USP30: variants seen among roughly 807,000 people sequenced by gnomAD.
USP30 encodes ubiquitin specific peptidase 30, also known as ubiquitin carboxyl-terminal hydrolase 30.
In USP30, 41 loss-of-function variants were observed where a neutral mutation model predicts 68.2. That is an observed-to-expected ratio of 0.60 (90% CI 0.47 to 0.78). USP30 has a LOEUF of 0.78. USP30 is among the 30% of genes least tolerant of loss of function. The probability of loss-of-function intolerance (pLI) is 0.00; values close to 1 mark genes in which losing one functional copy is unlikely to be tolerated. For missense variants in USP30, 522 were observed against 649.4 expected, an observed-to-expected ratio of 0.80 and a Z score of 2.13; for synonymous variants, 229 against 253.7, an observed-to-expected ratio of 0.90 and a Z score of 0.93.
In USP30 at chr12:109,029,005, C is replaced by T. The variant is rs372071106; in HGVS notation, c.-136+1449C>T. Among the ~76,000 whole-genome samples the T allele has an allele frequency of 3.3e-5, 5 of 152,286 alleles. No homozygotes were observed. In the East Asian group the frequency reaches 9.6e-4, roughly 29 times the overall value. On this transcript the variant is annotated intron_variant, in intron 3 of 15. Coordinates refer to the USP30 transcript ENST00000392784. ...TATTGATGTATAATTAAAATGTTGG[C>T]TTGTTGTGGTCCTTACCCAATTACA...
At chr12:109,081,798 C>T in intron 8 of USP30, 135 bp from the exon 9 acceptor site, 1 of 859,190 alleles carries the variant, frequency 1.2e-6, no homozygotes, top group Non-Finnish European at 1.9e-6. Context: ...GTCCAGGAAA[C>T]ATCCAGTTGT....
chr12:109,025,854 A>AT (rs1445499583), intron 2 of USP30, among the ~76,000 whole-genome samples: 1 of 151,610 alleles, frequency 6.6e-6, no homozygotes. Flanking sequence ...CACCTGGCTA[A>AT]TTTTTGTATT....
chr12:109,079,339 C>CTTTTTTTTTTTCTTTTTTTTTTT (rs2041717759), intron 7 of USP30, among the ~76,000 whole-genome samples: 1 of 62,250 alleles, frequency 1.6e-5, no homozygotes, highest in East Asian at 4.8e-4. Flanking sequence ...TTTTCTTTTT[C>CTTTTTTTTTTTCTTTTTTTTTTT]TTTTTTTTTT....
chr12:109,062,363 C>T (rs2041098521), intron 3 of USP30, among the ~76,000 whole-genome samples: 2 of 120,840 alleles, frequency 1.7e-5, no homozygotes, highest in East Asian at 5.2e-4. Context: ...GAGACGGAGT[C>T]TCGCTCTGTC....
At position 109,052,684 on chromosome 12, in the gene USP30, G is replaced by A; in HGVS notation, c.6G>A (p.Leu2=). 1 of 1,498,314 alleles carries A rather than the reference G, an allele frequency of 6.7e-7. No homozygotes were observed. The highest frequency in any genetic ancestry group is 8.9e-7 in the Non-Finnish European group (1 of 1,129,378). 92.8% of individuals were successfully genotyped at this position (1,498,314 alleles called of 1,614,324 possible). Residue 2 remains leucine (L), a synonymous_variant, in exon 1 of 13, where the codon CTG becomes CTA. Transcript: ENST00000257548. ...AGGCCTCCGGTGCGGCTGCAATGCTGAGCTCCCGGGCCGAGGCGGCGATGA... is the reference window on the plus strand; with the variant it reads ...AGGCCTCCGGTGCGGCTGCAATGCTAAGCTCCCGGGCCGAGGCGGCGATGA... M[L]SSRAEAAMTA...
At chr12:109,081,623 GCACACACACACACA>G (rs61164773) in intron 8 of USP30, 178 of 500,572 alleles carry the variant, frequency 3.6e-4, no homozygotes, top group African/African-American at 5.5e-4. Flanking sequence ...ACGCATGCGC[GCACACACACACACA>G]CACACACACA....
chr12:109,058,487 G>A (rs1346880026), intron 3 of USP30, among the ~76,000 whole-genome samples: 1 of 151,458 alleles, frequency 6.6e-6, no homozygotes, highest in African/African-American at 2.4e-5. Context: ...CAGAAGAATC[G>A]CTTGAACCCG....
At position 109,085,000 on chromosome 12, in the gene USP30, G is replaced by C; in HGVS notation, c.1216G>C (p.Ala406Pro). 1.9e-6 allele frequency: 3 copies of C among 1,605,110 alleles called. No individual in the cohort carries two copies. Among genetic ancestry groups the C allele is most frequent in the Non-Finnish European group, 2.6e-6 (3 of 1,174,798 alleles). ...APKTQIFMNG[A>P]CSPSLLPTLS... ...CAAAACACAGATTTTTATGAATGGC[G>C]CCTGCTCCCCATCTTTATTGCCAAC... is the stretch of plus-strand genomic sequence containing the variant. Residue 406 changes from alanine to proline, a missense_variant, in exon 12 of 13, where the codon GCC (alanine) becomes CCC (proline). By Grantham distance (27) the Ala-to-Pro change is conservative. Coordinates refer to ENST00000257548, the MANE Select transcript of USP30 (RefSeq NM_032663.5).
At chr12:109,049,751 G>A (rs1593229136), upstream of USP30, among the ~76,000 whole-genome samples, 1 of 152,248 alleles carries the variant, frequency 6.6e-6, no homozygotes, top group East Asian at 1.9e-4. Flanking sequence ...AGGAGGTGGA[G>A]GTTGCAGTGA....
chr12:109,053,988 A>G (rs887248909), intron 1 of USP30: 34 of 455,848 alleles, frequency 7.5e-5, no homozygotes, highest in South Asian at 1.7e-4. Context: ...TTCTTCTGCT[A>G]TAAAAATGAA....
intron 8 of USP30, 73 bp from the exon 9 acceptor site, chr12:109,081,860 C>A: frequency 7.0e-7 from 1 of 1,427,268 alleles, no homozygotes; most frequent in Non-Finnish European, 9.9e-7. Flanking sequence ...CTGGTCTTCA[C>A]ACTGCCATCT....
chr12:109,039,902 C>A (rs541190521), intron 3 of USP30, among the ~76,000 whole-genome samples: 1 of 152,182 alleles, frequency 6.6e-6, no homozygotes, highest in African/African-American at 2.4e-5. Context: ...AACCACCACA[C>A]CTGGCCAGCC....
At chr12:109,044,278 G>A (rs1360591613) in intron 3 of USP30, among the ~76,000 whole-genome samples, 1 of 152,182 alleles carries the variant, frequency 6.6e-6, no homozygotes, top group Non-Finnish European at 1.5e-5. Flanking sequence ...GGAGAGTTCT[G>A]GAGATGGATG....
At chr12:109,065,273 A>C (rs1419181532) in intron 3 of USP30, among the ~76,000 whole-genome samples, 2 of 152,206 alleles carry the variant, frequency 1.3e-5, no homozygotes, top group Non-Finnish European at 2.9e-5. Flanking sequence ...CATGCTGGGA[A>C]GGAGGGTGGC....
intron 3 of USP30, among the ~76,000 whole-genome samples, chr12:109,059,029 C>T (rs577088317): frequency 2.6e-5 from 4 of 152,124 alleles, no homozygotes; most frequent in African/African-American, 7.2e-5. Flanking sequence ...TCTGGGAGTC[C>T]GCCTTATGAA....
intron 2 of USP30, 112 bp from the exon 3 acceptor site, chr12:109,057,814 G>C: frequency 2.5e-6 from 3 of 1,193,018 alleles, no homozygotes; most frequent in Non-Finnish European, 3.6e-6. Flanking sequence ...GGATCTTCTT[G>C]GATCGGGATT....
intron 5 of USP30, 135 bp downstream of exon 5, chr12:109,071,845 G>A (rs945483211): frequency 8.7e-6 from 7 of 807,264 alleles, no homozygotes; most frequent in Admixed American, 7.9e-5. Flanking sequence ...GAGGCCAGGG[G>A]AGGGTCTTAA....
At chr12:109,036,748 C>G (rs1045445831) in intron 3 of USP30, among the ~76,000 whole-genome samples, 1 of 151,850 alleles carries the variant, frequency 6.6e-6, no homozygotes, top group Non-Finnish European at 1.5e-5. Context: ...TTGAATATGT[C>G]CTTCTACTAC....
chr12:109,067,247 G>C lies in USP30; in HGVS notation c.377-277G>C, dbSNP rs1039319803. 3.3e-5 allele frequency among the ~76,000 whole-genome samples: 5 copies of C among 150,254 alleles called. No homozygotes were observed. In the Admixed American group the frequency reaches 3.3e-4, roughly 10 times the overall value. ...TCCTGCCTCAGCCTCCCGAGTACCT[G>C]GGACTACAGGCACCCACCACCACGC... On this transcript the variant is annotated intron_variant, in intron 3 of 12. Transcript: ENST00000257548.
Sources: allele counts gnomAD v4.1 joint callset (sites outside exome capture counted in the v4.1 genomes callset), GRCh38; gene constraint gnomAD v4.1.1; transcripts MANE v1.5; gene names NCBI Gene and HGNC (gene_info 2026-07-23, HGNC 2026-07-21).